EFNA2: variants seen among roughly 807,000 people sequenced by gnomAD.
EFNA2 encodes the protein ephrin-A2.
In EFNA2, 18 loss-of-function variants were observed where a neutral mutation model predicts 19.7. The ratio of observed to expected loss-of-function variants is 0.91; its 90% CI spans 0.63 to 1.35. The LOEUF is 1.35. EFNA2 is among the 40% of genes most tolerant of loss of function. The pLI is 0.00. For synonymous variants in EFNA2, 187 were observed against 137.8 expected, an observed-to-expected ratio of 1.36 and a Z score of -2.50; for missense variants, 303 against 296.0, an observed-to-expected ratio of 1.02 and a Z score of -0.17.
chr19:1,295,497 C>T lies in EFNA2; in HGVS notation c.141-48C>T, dbSNP rs1372202438. The T allele has an allele frequency of 5.4e-6, 8 of 1,486,600 alleles. No homozygotes were observed. Among genetic ancestry groups the T allele is most frequent in the Admixed American group, 2.3e-5 (1 of 42,604 alleles). 92.1% of individuals were successfully genotyped at this position (1,486,600 alleles called of 1,614,324 possible). On this transcript the variant is annotated intron_variant, in intron 1 of 3. Transcript: ENST00000215368. The surrounding 1 kb of genome is among the most constrained non-coding windows in gnomAD (Gnocchi z 5.8). The stretch of plus-strand genomic sequence containing the variant: ...CCTCCCCGCGCACCCCGACCCGTGC[C>T]CCGTTCCTCGCTCCGGGCGCTGACC...
Position 1,295,676 on chromosome 19 carries a change from T to C in EFNA2, c.272T>C (p.Leu91Pro), listed in dbSNP as rs2081510910. The C allele has an allele frequency of 1.2e-6, 2 of 1,610,294 alleles. No homozygotes were observed. Among genetic ancestry groups the C allele is most frequent in the Non-Finnish European group, 1.7e-6 (2 of 1,178,844 alleles). Reference protein sequence around the residue: ...PPAERMEHYVLYMVNGEGHAS... With the variant: ...PPAERMEHYVPYMVNGEGHAS... Reference sequence around the variant, plus strand: ...GCCGAGCGCATGGAGCACTACGTGCTGTACATGGTCAACGGCGAGGGCCAC... The same window carrying C: ...GCCGAGCGCATGGAGCACTACGTGCCGTACATGGTCAACGGCGAGGGCCAC... Residue 91 changes from leucine (L) to proline (P), a missense_variant, in exon 2 of 4, where the codon CTG becomes CCG. By Grantham distance (98) the Leu-to-Pro change is moderately conservative. Coordinates refer to ENST00000215368, the MANE Select transcript of EFNA2 (RefSeq NM_001405.4). This position sits in a 1 kb window ranked among gnomAD's most constrained non-coding sequence, Gnocchi z 5.8.
Position 1,300,241 on chromosome 19 carries a change from ATTTTTTTTTTTTTTTT to A in EFNA2, c.*316_*331del, listed in dbSNP as rs58281257. 9.4e-4 allele frequency: 40 copies of A among 42,692 alleles called. No individual in the cohort carries two copies. Among genetic ancestry groups the A allele is most frequent in the South Asian group, 6.4e-3 (6 of 938 alleles). 2.6% of individuals were successfully genotyped at this position (42,692 alleles called of 1,614,324 possible). On this transcript the variant is annotated 3_prime_UTR_variant, in exon 4 of 4. Transcript: ENST00000215368. ...CGGAGAACCCGGGAACCTCTTGGCG[ATTTTTTTTTTTTTTTT>A]TTTTTTTTTTTTTTTTTTTAGTGTA... is the stretch of plus-strand genomic sequence containing the variant.
In EFNA2 at chr19:1,300,173, G is replaced by C. The variant is rs2081534924; in HGVS notation, c.*228G>C. ...CCCCCCCGGAGGCCCGAGGGGCCGG[G>C]GTGTGGATGCGGACCGTGGCCAGGC... On this transcript the variant is annotated 3_prime_UTR_variant, in exon 4 of 4. Transcript: ENST00000215368. The C allele has an allele frequency of 3.8e-6, 2 of 525,116 alleles. No homozygotes were observed. Among genetic ancestry groups the C allele is most frequent in the Non-Finnish European group, 6.4e-6 (2 of 313,942 alleles). 32.5% of individuals were successfully genotyped at this position (525,116 alleles called of 1,614,324 possible).
At chr19:1,298,072 CAAAAAAAAAAAA>C (rs58897953) in intron 2 of EFNA2, among the ~76,000 whole-genome samples, 1 of 49,846 alleles carries the variant, frequency 2.0e-5, no homozygotes, top group Non-Finnish European at 3.9e-5. Flanking sequence ...AGCTCCATCA[CAAAAAAAAAAAA>C]AAAAAAAAAA....
rs1201709047 is a variant in EFNA2 at position 1,286,353 on chromosome 19, C to T, written c.140+45C>T. ...GGGGGCGCCCGGGGACCCCCCAACG[C>T]CCCCCAAGCCGCGCCCGGCCTCGCG... On this transcript the variant is annotated intron_variant, in intron 1 of 3. Coordinates refer to ENST00000215368, the MANE Select transcript of EFNA2 (RefSeq NM_001405.4). The surrounding 1 kb of genome is among the most constrained non-coding windows in gnomAD (Gnocchi z 5.6). 3 of 966,536 alleles carry T rather than the reference C, an allele frequency of 3.1e-6. No individual in the cohort carries two copies. The East Asian group carries it at 3.4e-4, about 110-fold the overall frequency. 59.9% of individuals were successfully genotyped at this position (966,536 alleles called of 1,614,324 possible). A position where few individuals can be genotyped will look rare whatever the true frequency, so the allele number is the denominator to read the frequency against.
Position 1,295,491 on chromosome 19 carries a change from CCG to C in EFNA2, c.141-53_141-52del. ...CCTGGCCCTCCCCGCGCACCCCGAC[CCG>C]TGCCCCGTTCCTCGCTCCGGGCGCT... On this transcript the variant is annotated intron_variant, in intron 1 of 3. Coordinates refer to ENST00000215368, the MANE Select transcript of EFNA2 (RefSeq NM_001405.4). The surrounding 1 kb of genome is among the most constrained non-coding windows in gnomAD (Gnocchi z 5.8). 3 of 1,474,262 alleles carry C rather than the reference CCG, an allele frequency of 2.0e-6. No individual in the cohort carries two copies. The highest frequency in any genetic ancestry group is 2.7e-6 in the Non-Finnish European group (3 of 1,114,386). 91.3% of individuals were successfully genotyped at this position (1,474,262 alleles called of 1,614,324 possible).
At chr19:1,298,422 G>A in intron 2 of EFNA2, 129 bp from the exon 3 acceptor site, 1 of 773,352 alleles carries the variant, frequency 1.3e-6, no homozygotes. Context: ...TGTACGATTA[G>A]GAGTTTTAAG....
chr19:1,288,765 A>G (rs1378520461), intron 1 of EFNA2, among the ~76,000 whole-genome samples: 1 of 151,988 alleles, frequency 6.6e-6, no homozygotes, highest in African/African-American at 2.4e-5. Flanking sequence ...TTGGGCCGCT[A>G]TAAGGTGGGG....
At chr19:1,285,169 C>T (rs1052115859), upstream of EFNA2, among the ~76,000 whole-genome samples, 3 of 152,230 alleles carry the variant, frequency 2.0e-5, no homozygotes, top group Non-Finnish European at 2.9e-5. The surrounding 1 kb of genome is among the most constrained non-coding windows in gnomAD (Gnocchi z 4.1). Flanking sequence ...ACTCGGCGTT[C>T]CCTGAACAGA....
chr19:1,299,885 G>T lies in EFNA2; in HGVS notation c.582G>T (p.Pro194=). Residue 194 remains proline (P), a synonymous_variant, in exon 4 of 4, where the codon CCG becomes CCT. Transcript: ENST00000215368. ...IFTSNNSCSS[P]GGCRLFLSTI... is the part of the protein sequence containing the mutation. ...CCAGCAATAACTCGTGTAGCAGCCC[G>T]GGCGGCTGCCGCCTCTTCCTCAGCA... 6.2e-7 allele frequency: 1 copy of T among 1,604,226 alleles called. No homozygotes were observed. Among genetic ancestry groups the T allele is most frequent in the Non-Finnish European group, 8.5e-7 (1 of 1,178,050 alleles).
intron 3 of EFNA2, among the ~76,000 whole-genome samples, chr19:1,298,938 C>G (rs541139423): frequency 6.6e-6 from 1 of 151,950 alleles, no homozygotes; most frequent in East Asian, 1.9e-4. Flanking sequence ...GAGCAAGACT[C>G]TGTCTCTAAA....
In EFNA2 at chr19:1,286,282, C is replaced by T. The variant is rs1258472563; in HGVS notation, c.114C>T (p.Ala38=). 7.4e-6 allele frequency: 8 copies of T among 1,077,830 alleles called. No individual in the cohort carries two copies. The highest frequency in any genetic ancestry group is 9.9e-5 in the Admixed American group (2 of 20,252). 66.8% of individuals were successfully genotyped at this position (1,077,830 alleles called of 1,614,324 possible). A position where few individuals can be genotyped will look rare whatever the true frequency, so the allele number is the denominator to read the frequency against. ...CCCGCGCCAACTCGGACCGCTACGC[C>T]GTCTACTGGAACCGCAGCAACCCCA... ...DAARANSDRY[A]VYWNRSNPRF... Residue 38 remains alanine (A), a synonymous_variant, in exon 1 of 4, where the codon GCC becomes GCT. Transcript: ENST00000215368. The surrounding 1 kb of genome is among the most constrained non-coding windows in gnomAD (Gnocchi z 5.6).
chr19:1,295,649 C>T lies in EFNA2; in HGVS notation c.245C>T (p.Pro82Leu), dbSNP rs763961946. The T allele has an allele frequency of 1.7e-5, 27 of 1,611,552 alleles. No individual in the cohort carries two copies. Among genetic ancestry groups the T allele is most frequent in the East Asian group, 2.2e-5 (1 of 44,804 alleles). The change falls in exon 2 of 4, where the codon CCG becomes CTG. Residue 82 changes from proline to leucine, a missense_variant. Physicochemically the swap from Pro to Leu is moderately conservative, Grantham distance 98. Transcript: ENST00000215368. This position sits in a 1 kb window ranked among gnomAD's most constrained non-coding sequence, Gnocchi z 5.8. ...YCPHYGAPLP[P>L]AERMEHYVLY... Reference sequence around the variant, plus strand: ...CCGCACTATGGGGCGCCGCTGCCGCCGGCCGAGCGCATGGAGCACTACGTG... The same window carrying T: ...CCGCACTATGGGGCGCCGCTGCCGCTGGCCGAGCGCATGGAGCACTACGTG...
At chr19:1,291,717 A>C (rs369709343) in intron 1 of EFNA2, among the ~76,000 whole-genome samples, 10 of 145,974 alleles carry the variant, frequency 6.9e-5, no homozygotes, top group East Asian at 2.2e-4. Context: ...CCCCCACCCC[A>C]GTTTTGGGTG....
At chr19:1,293,996 C>T (rs1280851640) in intron 1 of EFNA2, among the ~76,000 whole-genome samples, 2 of 152,224 alleles carry the variant, frequency 1.3e-5, no homozygotes, top group Non-Finnish European at 2.9e-5. Flanking sequence ...GTGGGGCCTG[C>T]GGCGGGCTCA....
Position 1,296,769 on chromosome 19 carries a change from G to C in EFNA2, c.454+911G>C, listed in dbSNP as rs554060567. ...CGCATCTCCCCGGGACCCATGCCAG[G>C]CTCGGAGACTCCCTGAGGACCGTGG... On this transcript the variant is annotated intron_variant, in intron 2 of 3. Transcript: ENST00000215368. This position sits in a 1 kb window ranked among gnomAD's most constrained non-coding sequence, Gnocchi z 4.4. Among the ~76,000 whole-genome samples, 80 of 152,334 alleles carry C rather than the reference G, an allele frequency of 5.3e-4. No homozygotes were observed. The highest frequency in any genetic ancestry group is 1.7e-3 in the African/African-American group (72 of 41,580).
rs371155200 is a variant in EFNA2 at position 1,297,147 on chromosome 19, C to G, written c.454+1289C>G. ...TGGAGTGGGGACCCCGGCTTCTCAGCATCTCGGGGCCTGAGGGATGGGGAG... is the reference window on the plus strand; with the variant it reads ...TGGAGTGGGGACCCCGGCTTCTCAGGATCTCGGGGCCTGAGGGATGGGGAG... On this transcript the variant is annotated intron_variant, in intron 2 of 3. Coordinates refer to ENST00000215368, the MANE Select transcript of EFNA2 (RefSeq NM_001405.4). This position sits in a 1 kb window ranked among gnomAD's most constrained non-coding sequence, Gnocchi z 5.0. Among the ~76,000 whole-genome samples the G allele has an allele frequency of 1.4e-4, 21 of 152,188 alleles. No individual in the cohort carries two copies. The East Asian group carries it at 2.5e-3, about 18-fold the overall frequency.
chr19:1,291,213 C>G (rs2081490124), intron 1 of EFNA2, among the ~76,000 whole-genome samples: 1 of 152,164 alleles, frequency 6.6e-6, no homozygotes, highest in Non-Finnish European at 1.5e-5. Context: ...CCACCCACGC[C>G]CACGGTGACG....
At chr19:1,299,555 A>AAAAT (rs1419958280) in intron 3 of EFNA2, among the ~76,000 whole-genome samples, 2 of 152,072 alleles carry the variant, frequency 1.3e-5, no homozygotes, top group Non-Finnish European at 2.9e-5. Context: ...TCCGTCTCAA[A>AAAAT]AAATAAATAA....
Sources: allele counts gnomAD v4.1 joint callset (sites outside exome capture counted in the v4.1 genomes callset), GRCh38; gene constraint gnomAD v4.1.1; non-coding constraint Gnocchi (gnomAD v3.1); transcripts MANE v1.5; gene names NCBI Gene and HGNC (gene_info 2026-07-23, HGNC 2026-07-21).